Variants in RHOQ observed in about 807,000 individuals in gnomAD.
The protein encoded by RHOQ is rho-related GTP-binding protein RhoQ.
RHOQ carries 7 observed loss-of-function variants against 25.8 expected under a neutral mutation model. The ratio of observed to expected loss-of-function variants is 0.27; its 90% CI spans 0.15 to 0.51. The LOEUF (loss-of-function observed/expected upper bound fraction) is 0.51. Ranked by LOEUF, RHOQ falls within the 20% of genes least tolerant of loss-of-function variation. RHOQ has a pLI of 0.97. For synonymous variants in RHOQ, 97 were observed against 98.6 expected, an observed-to-expected ratio of 0.98 and a Z score of 0.10; for missense variants, 165 against 260.6, an observed-to-expected ratio of 0.63 and a Z score of 2.53.
intron 2 of RHOQ, among the ~76,000 whole-genome samples, chr2:46,546,525 TATATATAC>T (rs1315962461): frequency 1.0e-4 from 9 of 85,716 alleles, no homozygotes; most frequent in African/African-American, 4.6e-4. Context: ...TATACATATA[TATATATAC>T]ACAAATCCTT....
In RHOQ at chr2:46,553,320, T is replaced by C. The variant is rs892002204; in HGVS notation, c.201+9508T>C. Among the ~76,000 whole-genome samples the C allele has an allele frequency of 1.2e-4, 19 of 152,152 alleles. 1 individual carries two copies. Among genetic ancestry groups the C allele is most frequent in the African/African-American group, 3.9e-4 (16 of 41,418 alleles). On this transcript the variant is annotated intron_variant, in intron 2 of 4. Transcript: ENST00000238738. ...AGAACATGACTTATTTTATTCTTTTTTTTATTTTTTCAATTTTTAAAAAAA... is the reference window on the plus strand; with the variant it reads ...AGAACATGACTTATTTTATTCTTTTCTTTATTTTTTCAATTTTTAAAAAAA...
At chr2:46,545,895 T>C (rs877876) in intron 2 of RHOQ, among the ~76,000 whole-genome samples, 83 of 152,266 alleles carry the variant, frequency 5.5e-4, no homozygotes, top group African/African-American at 2.0e-3. Context: ...TGGCCGTAAT[T>C]ACTCTTTTTA....
chr2:46,565,540 CT>C (rs1292149363), intron 2 of RHOQ, among the ~76,000 whole-genome samples: 2 of 152,180 alleles, frequency 1.3e-5, no homozygotes, highest in African/African-American at 4.8e-5. Flanking sequence ...AAAAATGGCC[CT>C]GCTCACAGGA....
chr2:46,572,381 G>C (rs1408661511), intron 2 of RHOQ, among the ~76,000 whole-genome samples: 1 of 152,022 alleles, frequency 6.6e-6, no homozygotes, highest in African/African-American at 2.4e-5. Context: ...GGGATTACAG[G>C]TGTGAGCCAC....
chr2:46,576,207 A>T lies in RHOQ; in HGVS notation c.322A>T (p.Lys108Ter). ...NVKEEWVPELKEYAPNVPFLL... is the reference protein window; with the variant it reads ...NVKEEWVPEL Reference sequence around the variant, plus strand: ...GAAAGAGGAGTGGGTACCGGAACTTAAGGAATACGCACCAAATGTACCCTT... The same window carrying T: ...GAAAGAGGAGTGGGTACCGGAACTTTAGGAATACGCACCAAATGTACCCTT... The change falls in exon 3 of 5, where the codon AAG (lysine) becomes TAG (stop). Residue 108 changes from lysine (K) to a stop codon, truncating the protein, a stop_gained. Transcript: ENST00000238738. LOFTEE classifies it high-confidence loss of function. The surrounding 1 kb of genome is among the most constrained non-coding windows in gnomAD (Gnocchi z 5.1). The T allele has an allele frequency of 1.2e-6, 2 of 1,613,084 alleles. No homozygotes were observed. Among genetic ancestry groups the T allele is most frequent in the Non-Finnish European group, 1.7e-6 (2 of 1,179,528 alleles).
At chr2:46,572,413 T>A (rs1339819002) in intron 2 of RHOQ, among the ~76,000 whole-genome samples, 1 of 152,068 alleles carries the variant, frequency 6.6e-6, no homozygotes, top group African/African-American at 2.4e-5. Flanking sequence ...ATGTGTGATA[T>A]TTTTAAAGTA....
At chr2:46,572,661 C>T in intron 2 of RHOQ, 2 of 401,130 alleles carry the variant, frequency 5.0e-6, no homozygotes, top group Admixed American at 2.9e-5. Context: ...TTCTAGTTAC[C>T]ATGCTGAAAT....
chr2:46,578,895 CGTGTGT>C lies in RHOQ; in HGVS notation c.463-2024_463-2019del, dbSNP rs4035765. On this transcript the variant is annotated intron_variant, in intron 4 of 4. Transcript: ENST00000238738. ...ATTATGTTGATTTAATCATTTCACT[CGTGTGT>C]GTGTGTGTATATGTATATATAGAGA... 3.5e-3 allele frequency among the ~76,000 whole-genome samples: 536 copies of C among 151,502 alleles called. 2 individuals carry two copies. The highest frequency in any genetic ancestry group is 5.5e-3 in the Non-Finnish European group (376 of 67,858).
chr2:46,549,923 C>T (rs1304301680), intron 2 of RHOQ, among the ~76,000 whole-genome samples: 3 of 152,200 alleles, frequency 2.0e-5, no homozygotes, highest in Non-Finnish European at 4.4e-5. Context: ...GCAACAAATA[C>T]ATCTTAAGGG....
In RHOQ at chr2:46,581,519, T is replaced by A. The variant is rs541572382; in HGVS notation, c.*436T>A. 54 of 1,611,536 alleles carry A rather than the reference T, an allele frequency of 3.4e-5. No individual in the cohort carries two copies. The African/African-American group carries it at 6.1e-4, about 18-fold the overall frequency. On this transcript the variant is annotated 3_prime_UTR_variant, in exon 5 of 5. Coordinates refer to ENST00000238738, the MANE Select transcript of RHOQ (RefSeq NM_012249.4). ...GTAAGTTGCTTTCTATTCCAGTATA[T>A]CCAGAGTGGTGAAATAACAAGGCCA...
intron 2 of RHOQ, among the ~76,000 whole-genome samples, chr2:46,561,798 T>G (rs925830407): frequency 6.6e-6 from 1 of 152,136 alleles, no homozygotes; most frequent in African/African-American, 2.4e-5. Flanking sequence ...GGTCATACTG[T>G]CTACCCCTCC....
rs1278283683 is a variant in RHOQ at position 46,552,785 on chromosome 2, G to C, written c.201+8973G>C. Among the ~76,000 whole-genome samples, 2 of 152,252 alleles carry C rather than the reference G, an allele frequency of 1.3e-5. No homozygotes were observed. Among genetic ancestry groups the C allele is most frequent in the African/African-American group, 4.8e-5 (2 of 41,464 alleles). ...CTGTCAGGCACAGGCCTGGCCCCCAGAGGCACAGTGTTTTGAAGGGTAGGT... is the reference window on the plus strand; with the variant it reads ...CTGTCAGGCACAGGCCTGGCCCCCACAGGCACAGTGTTTTGAAGGGTAGGT... On this transcript the variant is annotated intron_variant, in intron 2 of 4. Transcript: ENST00000238738. The surrounding 1 kb of genome is among the most constrained non-coding windows in gnomAD (Gnocchi z 5.0).
chr2:46,543,690 G>GA, intron 1 of RHOQ, 64 bp from the exon 2 acceptor site: 2 of 1,496,714 alleles, frequency 1.3e-6, no homozygotes, highest in Non-Finnish European at 9.2e-7. Context: ...GGTGGGGAGC[G>GA]AAATTGCCCC....
At chr2:46,578,152 A>G (rs966556866) in intron 4 of RHOQ, among the ~76,000 whole-genome samples, 1 of 152,162 alleles carries the variant, frequency 6.6e-6, no homozygotes, top group Non-Finnish European at 1.5e-5. Flanking sequence ...GTTCAAACTT[A>G]TTAGTAGTCA....
At position 46,562,853 on chromosome 2, in the gene RHOQ, C is replaced by T. The variant is rs142043767; in HGVS notation, c.202-13234C>T. Among the ~76,000 whole-genome samples the T allele has an allele frequency of 4.1e-3, 627 of 152,258 alleles. 4 individuals are homozygous for T. The highest frequency in any genetic ancestry group is 0.014 in the African/African-American group (600 of 41,530). On this transcript the variant is annotated intron_variant, in intron 2 of 4. Coordinates refer to ENST00000238738, the MANE Select transcript of RHOQ (RefSeq NM_012249.4). ...TTTAAACCAGCAAAATTTCTCAGTG[C>T]GTTTGTGCTGAAGTTAATTTCACAT...
At position 46,556,859 on chromosome 2, in the gene RHOQ, G is replaced by C. The variant is rs1668425139; in HGVS notation, c.201+13047G>C. On this transcript the variant is annotated intron_variant, in intron 2 of 4. Transcript: ENST00000238738. The surrounding 1 kb of genome is among the most constrained non-coding windows in gnomAD (Gnocchi z 4.9). The stretch of plus-strand genomic sequence containing the variant: ...GTTTCTGTGGGGCCGTTTAGATTCA[G>C]AAACAATTTTATTGGGGCTTTCAAG... Among the ~76,000 whole-genome samples, 1 of 152,134 alleles carries C rather than the reference G, an allele frequency of 6.6e-6. No homozygotes were observed. Among genetic ancestry groups the C allele is most frequent in the African/African-American group, 2.4e-5 (1 of 41,410 alleles).
chr2:46,573,108 G>C (rs566857429), intron 2 of RHOQ, among the ~76,000 whole-genome samples: 74 of 151,130 alleles, frequency 4.9e-4, no homozygotes, highest in Non-Finnish European at 8.8e-4. Flanking sequence ...CTGTTGCCCA[G>C]GCTGTAGTGC....
In RHOQ at chr2:46,542,747, G is replaced by T; in HGVS notation, c.-300G>T. ...GGCCGGCCGGTCTTATGATCCGGCGGATCCTCCTGGGGAGGCCGGGCCGGG... is the reference window on the plus strand; with the variant it reads ...GGCCGGCCGGTCTTATGATCCGGCGTATCCTCCTGGGGAGGCCGGGCCGGG... On this transcript the variant is annotated 5_prime_UTR_variant, in exon 1 of 5. Transcript: ENST00000238738. The T allele has an allele frequency of 6.8e-6, 1 of 146,830 alleles. No individual in the cohort carries two copies. Among genetic ancestry groups the T allele is most frequent in the South Asian group, 1.9e-4 (1 of 5,266 alleles). The allele number at this position is 146,830 out of a possible 1,614,324, so 9.1% of individuals were successfully genotyped here.
intron 2 of RHOQ, chr2:46,568,738 G>C (rs1668814780): frequency 6.6e-6 from 1 of 152,130 alleles, no homozygotes; most frequent in Non-Finnish European, 1.5e-5. Flanking sequence ...ATGCCCCCCA[G>C]ACATAGGGTG....
Sources: allele counts gnomAD v4.1 joint callset (sites outside exome capture counted in the v4.1 genomes callset), GRCh38; gene constraint gnomAD v4.1.1; non-coding constraint Gnocchi (gnomAD v3.1); transcripts MANE v1.5; gene names NCBI Gene and HGNC (gene_info 2026-07-23, HGNC 2026-07-21).